The following AGBL4 variants were observed in gnomAD, a reference collection of about 807,000 sequenced individuals.
AGBL4 encodes the protein cytosolic carboxypeptidase 6.
In AGBL4, 58 loss-of-function variants were observed where a neutral mutation model predicts 66.4. The ratio of observed to expected loss-of-function variants is 0.87; its 90% confidence interval spans 0.71 to 1.09. AGBL4 has a LOEUF of 1.09. Among genes scored for constraint, AGBL4 ranks in the 50% least tolerant of loss-of-function variants. The pLI, the probability that AGBL4 is intolerant of heterozygous loss-of-function variation, is 0.00. For synonymous variants in AGBL4, 234 were observed against 222.9 expected (o/e 1.05, Z -0.44); for missense variants, 579 against 631.0 (o/e 0.92, Z 0.88).
intron 3 of AGBL4, among the ~76,000 whole-genome samples, chr1:49,560,838 C>T (rs1196233751): frequency 2.6e-5 from 4 of 152,002 alleles, no homozygotes; most frequent in Non-Finnish European, 4.4e-5. Flanking sequence ...AAATCTTTTA[C>T]CCCTGAATAG....
At chr1:49,630,051 C>A (rs940996158) in intron 3 of AGBL4, among the ~76,000 whole-genome samples, 8 of 152,180 alleles carry the variant, frequency 5.3e-5, no homozygotes, top group African/African-American at 1.2e-4. Context: ...ACCTTGCCTA[C>A]AATTAAAATA....
intron 3 of AGBL4, among the ~76,000 whole-genome samples, chr1:49,431,456 C>A (rs1489317972): frequency 6.6e-6 from 1 of 152,120 alleles, no homozygotes; most frequent in African/African-American, 2.4e-5. Flanking sequence ...TAAGTTTAGA[C>A]ATGTCTTCAA....
At chr1:49,392,054 A>G (rs1644861916) in intron 3 of AGBL4, among the ~76,000 whole-genome samples, 1 of 152,212 alleles carries the variant, frequency 6.6e-6, no homozygotes. Context: ...GTACTAGTAA[A>G]GTGTGCCTAG....
At chr1:48,652,056 G>A (rs1397703947) in intron 8 of AGBL4, among the ~76,000 whole-genome samples, 2 of 152,162 alleles carry the variant, frequency 1.3e-5, no homozygotes, top group African/African-American at 4.8e-5. Flanking sequence ...AACCAGGCCT[G>A]CTTGGTACAG....
At chr1:48,805,397 T>C (rs796787287) in intron 6 of AGBL4, among the ~76,000 whole-genome samples, 6 of 152,300 alleles carry the variant, frequency 3.9e-5, no homozygotes, top group African/African-American at 1.2e-4. Flanking sequence ...ATTTAGAGCA[T>C]GCAAGGTAGA....
At chr1:48,732,634 A>T (rs993173624) in intron 6 of AGBL4, among the ~76,000 whole-genome samples, 1 of 152,122 alleles carries the variant, frequency 6.6e-6, no homozygotes, top group African/African-American at 2.4e-5. Context: ...GTAGCAACAG[A>T]AAGGACCTGG....
chr1:49,465,810 G>C (rs995002893), intron 3 of AGBL4, among the ~76,000 whole-genome samples: 7 of 151,810 alleles, frequency 4.6e-5, no homozygotes, highest in African/African-American at 1.7e-4. Context: ...TCTGACATCT[G>C]TGAAAGTCTG....
chr1:49,126,988 A>G (rs576370852), intron 4 of AGBL4, among the ~76,000 whole-genome samples: 2 of 152,316 alleles, frequency 1.3e-5, no homozygotes, highest in African/African-American at 4.8e-5. Flanking sequence ...AGCACATTCA[A>G]AAAGACTTAA....
At chr1:48,686,127 G>T (rs1206125908) in intron 6 of AGBL4, among the ~76,000 whole-genome samples, 10 of 152,286 alleles carry the variant, frequency 6.6e-5, no homozygotes, top group African/African-American at 2.4e-4. Flanking sequence ...GAAAGGGGAA[G>T]TCACTCAGCT....
chr1:48,702,278 GT>G (rs569206365), intron 6 of AGBL4, among the ~76,000 whole-genome samples: 1 of 150,156 alleles, frequency 6.7e-6, no homozygotes, highest in South Asian at 2.1e-4. Context: ...CTTCTTCTTT[GT>G]TTTTTTTTGT....
chr1:49,377,298 T>C (rs1162126830), intron 3 of AGBL4, among the ~76,000 whole-genome samples: 1 of 152,080 alleles, frequency 6.6e-6, no homozygotes, highest in Non-Finnish European at 1.5e-5. Context: ...AAGCTCTGCA[T>C]TAGTGGCATT....
chr1:48,909,340 C>T (rs187069495), intron 5 of AGBL4, among the ~76,000 whole-genome samples: 243 of 152,268 alleles, frequency 1.6e-3, no homozygotes, highest in Non-Finnish European at 2.9e-3. Context: ...TTTACTCTTC[C>T]TATTGAAAGG....
intron 1 of AGBL4, among the ~76,000 whole-genome samples, chr1:50,011,458 G>T (rs4926546): frequency 6.6e-6 from 1 of 152,172 alleles, no homozygotes; most frequent in Non-Finnish European, 1.5e-5. Flanking sequence ...TACAACCACT[G>T]TTGAGAAGCG....
intron 3 of AGBL4, among the ~76,000 whole-genome samples, chr1:49,595,281 G>C (rs1004145578): frequency 6.6e-6 from 1 of 151,988 alleles, no homozygotes; most frequent in African/African-American, 2.4e-5. Context: ...AGTAGAGACG[G>C]GGTTTCACAG....
At chr1:49,444,791 A>G (rs1570732969) in intron 3 of AGBL4, among the ~76,000 whole-genome samples, 1 of 152,022 alleles carries the variant, frequency 6.6e-6, no homozygotes, top group African/African-American at 2.4e-5. Context: ...TTATTGATAT[A>G]TGAGTCTTTG....
At chr1:48,617,490 G>A (rs1645338329) in intron 9 of AGBL4, among the ~76,000 whole-genome samples, 1 of 152,082 alleles carries the variant, frequency 6.6e-6, no homozygotes, top group Non-Finnish European at 1.5e-5. Flanking sequence ...TTTAGAATCT[G>A]ACCACTTTTC....
intron 6 of AGBL4, among the ~76,000 whole-genome samples, chr1:48,692,650 T>C (rs1045673672): frequency 6.6e-6 from 1 of 152,180 alleles, no homozygotes; most frequent in Non-Finnish European, 1.5e-5. Flanking sequence ...GGGCTTCAGC[T>C]TCAGTCAGCT....
At chr1:49,931,600 C>T (rs1485242078) in intron 1 of AGBL4, among the ~76,000 whole-genome samples, 3 of 152,156 alleles carry the variant, frequency 2.0e-5, no homozygotes, top group Non-Finnish European at 2.9e-5. Flanking sequence ...CACCTCCCAT[C>T]AGGTCCCTCC....
chr1:48,878,150 A>G (rs1338027462), intron 5 of AGBL4, among the ~76,000 whole-genome samples: 1 of 152,164 alleles, frequency 6.6e-6, no homozygotes, highest in Non-Finnish European at 1.5e-5. Context: ...TGGGTGGAAG[A>G]GTTTGGAGGC....
Sources: allele counts gnomAD v4.1 joint callset (sites outside exome capture counted in the v4.1 genomes callset), GRCh38; gene constraint gnomAD v4.1.1; transcripts MANE v1.5; gene names NCBI Gene and HGNC (gene_info 2026-07-23, HGNC 2026-07-21).